ARL5B: variants seen among roughly 807,000 people sequenced by gnomAD.
The protein encoded by ARL5B is ARF like GTPase 5B.
Under a neutral mutation model 26.9 loss-of-function variants are expected in ARL5B, and 10 were observed. The observed-to-expected ratio is 0.37, with a 90% CI of 0.23 to 0.63. ARL5B has a LOEUF of 0.63. ARL5B is among the 30% of genes least tolerant of loss of function. The pLI is 0.62. For synonymous variants in ARL5B, 87 were observed against 70.4 expected (o/e 1.24, Z -1.18); for missense variants, 167 against 213.9 (o/e 0.78, Z 1.37).
chr10:18,661,807 G>T (rs576720074), intron 1 of ARL5B, among the ~76,000 whole-genome samples: 1 of 152,220 alleles, frequency 6.6e-6, no homozygotes, highest in African/African-American at 2.4e-5. Context: ...GTTATTCTAG[G>T]CAGAAGAGCT....
In ARL5B at chr10:18,675,515, A is replaced by T. The variant is rs554907790; in HGVS notation, c.*299A>T. 109 of 323,452 alleles carry T rather than the reference A, an allele frequency of 3.4e-4. No individual in the cohort carries two copies. Among genetic ancestry groups the T allele is most frequent in the Non-Finnish European group, 5.3e-4 (90 of 170,866 alleles). The allele number at this position is 323,452 out of a possible 1,614,324, so 20.0% of individuals were successfully genotyped here. On this transcript the variant is annotated 3_prime_UTR_variant, in exon 6 of 6. Coordinates refer to ENST00000377275, the MANE Select transcript of ARL5B (RefSeq NM_178815.5). ...GTAAGAAATGTTTGTCATATGCGTG[A>T]TGTCTTCTGAAATATTCTTATAACC...
chr10:18,674,278 CT>C, intron 5 of ARL5B, 143 bp downstream of exon 5: 1 of 658,788 alleles, frequency 1.5e-6, no homozygotes, highest in Non-Finnish European at 2.3e-6. Flanking sequence ...GTGTCTCAGG[CT>C]TACAACCTAG....
Position 18,680,269 on chromosome 10 carries a change from A to G in ARL5B, c.*5053A>G, listed in dbSNP as rs186177724. ...AATATGCAAAATTCATAACTAAGGG[A>G]TAGCATTCCTTGGAGACTTTGTTTT... On this transcript the variant is annotated 3_prime_UTR_variant, in exon 6 of 6. Coordinates refer to ENST00000377275, the MANE Select transcript of ARL5B (RefSeq NM_178815.5). 1 of 152,124 alleles carries G rather than the reference A, an allele frequency of 6.6e-6. No homozygotes were observed. The highest frequency in any genetic ancestry group is 2.4e-5 in the African/African-American group (1 of 41,566). 9.4% of individuals were successfully genotyped at this position (152,124 alleles called of 1,614,324 possible). A position where few individuals can be genotyped will look rare whatever the true frequency, so the allele number is the denominator to read the frequency against.
At chr10:18,669,861 G>T (rs2059878835) in intron 3 of ARL5B, among the ~76,000 whole-genome samples, 3 of 151,846 alleles carry the variant, frequency 2.0e-5, no homozygotes, top group Admixed American at 2.0e-4. Context: ...GGCGTGGTGG[G>T]GCAGACTTGT....
chr10:18,662,517 C>T lies in ARL5B; in HGVS notation c.46+2834C>T, dbSNP rs2059841536. Among the ~76,000 whole-genome samples, 3 of 152,174 alleles carry T rather than the reference C, an allele frequency of 2.0e-5. No individual in the cohort carries two copies. In the South Asian group the frequency reaches 6.2e-4, roughly 32 times the overall value. Reference sequence around the variant, plus strand: ...AAATAATTTGGAATTCTGATTATCTCTGCAAACATTTTATATGTTAATGTA... The same window carrying T: ...AAATAATTTGGAATTCTGATTATCTTTGCAAACATTTTATATGTTAATGTA... On this transcript the variant is annotated intron_variant, in intron 1 of 5. Transcript: ENST00000377275.
Position 18,677,998 on chromosome 10 carries a change from T to A in ARL5B, c.*2782T>A, listed in dbSNP as rs545576947. The A allele has an allele frequency of 6.6e-6, 1 of 151,920 alleles. No homozygotes were observed. The highest frequency in any genetic ancestry group is 1.9e-4 in the East Asian group (1 of 5,182). The allele number at this position is 151,920 out of a possible 1,614,324, so 9.4% of individuals were successfully genotyped here. A position where few individuals can be genotyped will look rare whatever the true frequency, so the allele number is the denominator to read the frequency against. Reference sequence around the variant, plus strand: ...GTTCAATTATCCTTGCAAGTTCAAATACAGCATTTTTCTTAATTTTGAGCG... The same window carrying A: ...GTTCAATTATCCTTGCAAGTTCAAAAACAGCATTTTTCTTAATTTTGAGCG... On this transcript the variant is annotated 3_prime_UTR_variant, in exon 6 of 6. Coordinates refer to ENST00000377275, the MANE Select transcript of ARL5B (RefSeq NM_178815.5).
intron 4 of ARL5B, among the ~76,000 whole-genome samples, chr10:18,672,950 T>G (rs1386023754): frequency 6.6e-6 from 1 of 152,232 alleles, no homozygotes; most frequent in Admixed American, 6.5e-5. Context: ...AAAGCTAAAG[T>G]TACTTAAGCA....
chr10:18,671,022 G>C (rs529487959), intron 3 of ARL5B, among the ~76,000 whole-genome samples: 3 of 151,904 alleles, frequency 2.0e-5, no homozygotes, highest in Non-Finnish European at 4.4e-5. Flanking sequence ...GAAGTTACAG[G>C]TATTAAGTAA....
At chr10:18,671,771 TCCTCCCACCTTAG>T (rs1481639076) in intron 3 of ARL5B, among the ~76,000 whole-genome samples, 1 of 151,858 alleles carries the variant, frequency 6.6e-6, no homozygotes, top group Non-Finnish European at 1.5e-5. Context: ...CTCAAAGCAG[TCCTCCCACCTTAG>T]CCTCCCAAGT....
At chr10:18,661,385 G>A (rs1038065315) in intron 1 of ARL5B, among the ~76,000 whole-genome samples, 4 of 152,170 alleles carry the variant, frequency 2.6e-5, no homozygotes, top group African/African-American at 9.7e-5. Flanking sequence ...GGAAAATGTA[G>A]ATGGTGATGA....
At position 18,659,489 on chromosome 10, in the gene ARL5B, T is replaced by A; in HGVS notation, c.-149T>A. On this transcript the variant is annotated 5_prime_UTR_variant, in exon 1 of 6. Transcript: ENST00000377275. ...ATTCGTCGCGGCGCCTTCTGAGTGG[T>A]CGGGTCGAGGCTTCTCGGCCTAGCA... 9.7e-7 allele frequency: 1 copy of A among 1,028,242 alleles called. No homozygotes were observed. The highest frequency in any genetic ancestry group is 1.8e-5 in the South Asian group (1 of 55,574). 63.7% of individuals were successfully genotyped at this position (1,028,242 alleles called of 1,614,324 possible). A position where few individuals can be genotyped will look rare whatever the true frequency, so the allele number is the denominator to read the frequency against.
rs1187424091 is a variant in ARL5B, at chr10:18,676,706, TTTAA to T, written c.*1493_*1496del. ...CAAAATATGTGTTCAAAATTGGTATTTTAATTTTAATATTTTTGTAAGTTGATTT... is the reference window on the plus strand; with the variant it reads ...CAAAATATGTGTTCAAAATTGGTATTTTTTAATATTTTTGTAAGTTGATTT... On this transcript the variant is annotated 3_prime_UTR_variant, in exon 6 of 6. Transcript: ENST00000377275. 1 of 152,162 alleles carries T rather than the reference TTTAA, an allele frequency of 6.6e-6. No homozygotes were observed. Among genetic ancestry groups the T allele is most frequent in the African/African-American group, 2.4e-5 (1 of 41,570 alleles). 9.4% of individuals were successfully genotyped at this position (152,162 alleles called of 1,614,324 possible). A position where few individuals can be genotyped will look rare whatever the true frequency, so the allele number is the denominator to read the frequency against.
At chr10:18,664,836 T>A (rs2059853982) in intron 1 of ARL5B, among the ~76,000 whole-genome samples, 1 of 152,168 alleles carries the variant, frequency 6.6e-6, no homozygotes, top group Non-Finnish European at 1.5e-5. Context: ...CCTTCAGTAT[T>A]ATGTGAAGCA....
chr10:18,669,317 T>C (rs754008269), intron 3 of ARL5B, among the ~76,000 whole-genome samples: 2 of 152,102 alleles, frequency 1.3e-5, no homozygotes, highest in Non-Finnish European at 2.9e-5. Context: ...TATGTAGGTT[T>C]CCCCAAGATC....
intron 4 of ARL5B, among the ~76,000 whole-genome samples, chr10:18,673,519 C>T (rs2059897328): frequency 6.6e-6 from 1 of 152,002 alleles, no homozygotes; most frequent in Non-Finnish European, 1.5e-5. Context: ...TATAGTTTTC[C>T]ACAGTATGAG....
chr10:18,663,630 G>A (rs2059847079), intron 1 of ARL5B, among the ~76,000 whole-genome samples: 1 of 135,462 alleles, frequency 7.4e-6, no homozygotes, highest in Non-Finnish European at 1.5e-5. Flanking sequence ...CTCACTGCAA[G>A]CTCTGCCTCC....
In ARL5B at chr10:18,668,684, T is replaced by C. The variant is rs2059872655; in HGVS notation, c.255+7T>C. Reference sequence around the variant, plus strand: ...ATATTACTCAAATACAGAGGTATGCTAAGATGAATTTTGAATTTTAATCCA... The same window carrying C: ...ATATTACTCAAATACAGAGGTATGCCAAGATGAATTTTGAATTTTAATCCA... On this transcript the variant is annotated splice_region_variant and intron_variant, in intron 3 of 5. Transcript: ENST00000377275. The C allele has an allele frequency of 6.2e-7, 1 of 1,611,590 alleles. No homozygotes were observed. The highest frequency in any genetic ancestry group is 8.5e-7 in the Non-Finnish European group (1 of 1,178,954).
At chr10:18,662,849 G>A (rs1194474915) in intron 1 of ARL5B, among the ~76,000 whole-genome samples, 1 of 149,748 alleles carries the variant, frequency 6.7e-6, no homozygotes, top group Admixed American at 6.7e-5. Flanking sequence ...GATTACAGGC[G>A]CACACCACCA....
rs2131648157 is a variant in ARL5B at position 18,675,342 on chromosome 10, G to C, written c.*126G>C. ...ACACAAACCTCTGAGAGCAACACTT[G>C]AATCAAGTGCAGCTGAACTGGAACA... is the stretch of plus-strand genomic sequence containing the variant. On this transcript the variant is annotated 3_prime_UTR_variant, in exon 6 of 6. Transcript: ENST00000377275. 1 of 867,086 alleles carries C rather than the reference G, an allele frequency of 1.2e-6. No homozygotes were observed. Among genetic ancestry groups the C allele is most frequent in the East Asian group, 2.5e-5 (1 of 40,208 alleles). The allele number at this position is 867,086 out of a possible 1,614,324, so 53.7% of individuals were successfully genotyped here.
Sources: gnomAD v4.1 joint callset for allele counts (sites outside exome capture counted in the v4.1 genomes callset) on GRCh38, gnomAD v4.1.1 for gene constraint, MANE v1.5 for transcripts, NCBI Gene and HGNC (gene_info 2026-07-23, HGNC 2026-07-21) for gene names.